The following CNTNAP2 variants were observed in gnomAD, a reference collection of about 807,000 sequenced individuals.
The protein encoded by CNTNAP2 is contactin-associated protein-like 2.
Under a neutral mutation model 155.2 loss-of-function variants are expected in CNTNAP2, and 98 were observed. That is an observed-to-expected ratio of 0.63 (90% CI 0.54 to 0.75). CNTNAP2 has a LOEUF of 0.75. CNTNAP2 is among the 30% of genes least tolerant of loss of function. The pLI, the probability that CNTNAP2 is intolerant of heterozygous loss-of-function variation, is 0.00. For synonymous variants in CNTNAP2, 651 were observed against 631.2 expected (o/e 1.03, Z -0.47); for missense variants, 1,727 against 1,688.1 (o/e 1.02, Z -0.40).
At chr7:146,677,945 G>A (rs958181085) in intron 1 of CNTNAP2, among the ~76,000 whole-genome samples, 2 of 151,880 alleles carry the variant, frequency 1.3e-5, no homozygotes, top group Non-Finnish European at 2.9e-5. Context: ...TATCTCTCTG[G>A]GCCTGCATAC....
At chr7:148,114,584 A>G (rs577588842) in intron 15 of CNTNAP2, among the ~76,000 whole-genome samples, 1 of 152,196 alleles carries the variant, frequency 6.6e-6, no homozygotes, top group Non-Finnish European at 1.5e-5. Context: ...AAAGGCACGC[A>G]TATAATCTTG....
At chr7:147,820,360 C>T (rs981165095) in intron 13 of CNTNAP2, among the ~76,000 whole-genome samples, 3 of 151,782 alleles carry the variant, frequency 2.0e-5, no homozygotes, top group East Asian at 1.9e-4. Context: ...TCTATTTTTT[C>T]GTTGCTGCTT....
At chr7:146,763,405 T>A (rs1473020995) in intron 1 of CNTNAP2, among the ~76,000 whole-genome samples, 2 of 152,174 alleles carry the variant, frequency 1.3e-5, no homozygotes, top group Non-Finnish European at 2.9e-5. Flanking sequence ...CTCATCTTCC[T>A]GTCATGCCCT....
At chr7:147,202,922 G>A (rs561568419) in intron 8 of CNTNAP2, among the ~76,000 whole-genome samples, 1 of 151,236 alleles carries the variant, frequency 6.6e-6, no homozygotes, top group South Asian at 2.1e-4. Context: ...CACATTTCCA[G>A]ACTGTAGAGA....
intron 22 of CNTNAP2, among the ~76,000 whole-genome samples, chr7:148,403,814 T>G (rs1167463202): frequency 6.6e-6 from 1 of 152,212 alleles, no homozygotes; most frequent in Non-Finnish European, 1.5e-5. Context: ...AGCACTCACA[T>G]GCATTAGGAC....
At chr7:147,265,395 G>T (rs761749132) in intron 8 of CNTNAP2, among the ~76,000 whole-genome samples, 1 of 152,052 alleles carries the variant, frequency 6.6e-6, no homozygotes. Context: ...GGAAGATCGT[G>T]GCCCAACTGC....
At chr7:148,004,766 A>T (rs1349266036) in intron 15 of CNTNAP2, among the ~76,000 whole-genome samples, 2 of 152,144 alleles carry the variant, frequency 1.3e-5, no homozygotes, top group East Asian at 3.9e-4. Flanking sequence ...CCTCATTATT[A>T]TAGTTTGGTT....
intron 15 of CNTNAP2, among the ~76,000 whole-genome samples, chr7:148,055,042 C>G (rs1802981559): frequency 1.3e-5 from 2 of 152,058 alleles, no homozygotes; most frequent in African/African-American, 4.8e-5. Context: ...ACCACCACGC[C>G]TGGCTAATTT....
intron 8 of CNTNAP2, among the ~76,000 whole-genome samples, chr7:147,154,993 C>G (rs34769190): frequency 6.6e-6 from 1 of 152,052 alleles, no homozygotes; most frequent in Non-Finnish European, 1.5e-5. Flanking sequence ...AAAAAGACAT[C>G]GGCAGACTGA....
chr7:147,511,459 A>ATTTT (rs36064860), intron 11 of CNTNAP2, among the ~76,000 whole-genome samples: 4 of 146,960 alleles, frequency 2.7e-5, no homozygotes, highest in African/African-American at 7.5e-5. Context: ...TTAAAACAAC[A>ATTTT]TTTTTTTTTT....
chr7:147,401,542 G>T (rs560288439), intron 10 of CNTNAP2, among the ~76,000 whole-genome samples: 2 of 152,124 alleles, frequency 1.3e-5, no homozygotes, highest in East Asian at 3.9e-4. Flanking sequence ...AAACTAAATT[G>T]ACTCTGTTGG....
intron 21 of CNTNAP2, among the ~76,000 whole-genome samples, chr7:148,327,501 G>A (rs1360449291): frequency 1.3e-5 from 2 of 151,950 alleles, no homozygotes; most frequent in African/African-American, 2.4e-5. Flanking sequence ...ACCTTGTTTT[G>A]TAAAAACCCT....
chr7:147,715,184 C>T (rs2373174), intron 13 of CNTNAP2, among the ~76,000 whole-genome samples: 2,495 of 152,204 alleles, frequency 0.016, 219 homozygotes, highest in Admixed American at 0.15. Context: ...TTATCTAGGA[C>T]AAATGTCCAC....
intron 16 of CNTNAP2, among the ~76,000 whole-genome samples, chr7:148,124,312 T>C (rs1254252476): frequency 6.6e-6 from 1 of 152,158 alleles, no homozygotes. Context: ...AAAGAAATAT[T>C]GTTCAAAAAA....
intron 3 of CNTNAP2, among the ~76,000 whole-genome samples, chr7:146,978,302 A>T (rs946410744): frequency 2.0e-5 from 3 of 152,110 alleles, no homozygotes; most frequent in Non-Finnish European, 4.4e-5. Flanking sequence ...TTAACCAAAG[A>T]TCATGGCCAC....
chr7:147,148,802 C>T (rs1274825581), intron 8 of CNTNAP2, among the ~76,000 whole-genome samples: 4 of 152,114 alleles, frequency 2.6e-5, no homozygotes, highest in Non-Finnish European at 5.9e-5. Flanking sequence ...GGAGTGAAGC[C>T]GCAAACCTTT....
chr7:146,301,480 G>T (rs768214406), intron 1 of CNTNAP2, among the ~76,000 whole-genome samples: 8 of 151,870 alleles, frequency 5.3e-5, no homozygotes, highest in Non-Finnish European at 1.0e-4. Context: ...AAAAAAATTA[G>T]CCAAGTGTGA....
intron 12 of CNTNAP2, among the ~76,000 whole-genome samples, chr7:147,630,662 A>C (rs1482092072): frequency 6.6e-6 from 1 of 152,166 alleles, no homozygotes; most frequent in Non-Finnish European, 1.5e-5. Context: ...TGCAGGGATG[A>C]TTTAACATAC....
At chr7:148,234,426 A>G (rs1796014029) in intron 20 of CNTNAP2, among the ~76,000 whole-genome samples, 1 of 152,232 alleles carries the variant, frequency 6.6e-6, no homozygotes. Context: ...CTATGTACCC[A>G]CCATTGAAAC....
Sources: allele counts gnomAD v4.1 joint callset (sites outside exome capture counted in the v4.1 genomes callset), GRCh38; gene constraint gnomAD v4.1.1; transcripts MANE v1.5; gene names NCBI Gene and HGNC (gene_info 2026-07-23, HGNC 2026-07-21).